Variants in ZNF107 observed in about 807,000 individuals in gnomAD.
ZNF107 encodes C2H2 type zinc-finger protein.
Under a neutral mutation model 12.3 loss-of-function variants are expected in ZNF107, and 19 were observed. The ratio of observed to expected loss-of-function variants is 1.55; its 90% CI spans 1.08 to 2.27. The LOEUF (loss-of-function observed/expected upper bound fraction) is 2.27, where lower values mean the gene tolerates loss of function less well. ZNF107 is among the 30% of genes most tolerant of loss of function. The probability of loss-of-function intolerance (pLI) is 0.00; values close to 1 mark genes in which losing one functional copy is unlikely to be tolerated. For synonymous variants in ZNF107, 317 were observed against 330.5 expected (o/e 0.96, Z 0.44); for missense variants, 958 against 979.9 (o/e 0.98, Z 0.30).
At chr7:64,682,789 T>G (rs1422627165) in intron 1 of ZNF107, among the ~76,000 whole-genome samples, 1 of 151,806 alleles carries the variant, frequency 6.6e-6, no homozygotes, top group Non-Finnish European at 1.5e-5. Flanking sequence ...ACACAACTAC[T>G]CTCCTCCCAT....
chr7:64,685,058 A>G (rs974698407), intron 1 of ZNF107, among the ~76,000 whole-genome samples: 1 of 152,168 alleles, frequency 6.6e-6, no homozygotes, highest in African/African-American at 2.4e-5. Context: ...TAACTCCTAC[A>G]TATGCAGTCA....
intron 1 of ZNF107, among the ~76,000 whole-genome samples, chr7:64,674,863 T>G (rs970226407): frequency 2.6e-5 from 4 of 152,230 alleles, no homozygotes; most frequent in African/African-American, 9.6e-5. Context: ...TGCGATAATC[T>G]TGTGGTTTTT....
chr7:64,702,620 C>T (rs1156964270), intron 3 of ZNF107, among the ~76,000 whole-genome samples: 8 of 151,164 alleles, frequency 5.3e-5, no homozygotes, highest in Non-Finnish European at 1.0e-4. Context: ...TGCAGTGGTG[C>T]GATCTCGGCT....
intron 1 of ZNF107, among the ~76,000 whole-genome samples, chr7:64,680,263 T>A (rs1482474705): frequency 6.6e-6 from 1 of 152,118 alleles, no homozygotes; most frequent in African/African-American, 2.4e-5. Context: ...AGTGTTTAGG[T>A]TCTTTTCCAT....
At chr7:64,705,381 A>G (rs1790604654) in intron 3 of ZNF107, among the ~76,000 whole-genome samples, 1 of 151,434 alleles carries the variant, frequency 6.6e-6, no homozygotes, top group South Asian at 2.1e-4. Context: ...TCTGATTTTC[A>G]ATAGTTGTTT....
intron 1 of ZNF107, among the ~76,000 whole-genome samples, chr7:64,675,586 A>G (rs1789388009): frequency 6.6e-6 from 1 of 152,138 alleles, no homozygotes; most frequent in African/African-American, 2.4e-5. Context: ...TTTCATGTCT[A>G]AATTTCCTTT....
chr7:64,668,745 T>TA (rs1429523880), intron 1 of ZNF107, among the ~76,000 whole-genome samples: 1 of 152,146 alleles, frequency 6.6e-6, no homozygotes, highest in Non-Finnish European at 1.5e-5. Flanking sequence ...GTGTGTTTTT[T>TA]ATGGCTGGGT....
chr7:64,674,915 TG>T (rs1364223166), intron 1 of ZNF107, among the ~76,000 whole-genome samples: 1 of 152,236 alleles, frequency 6.6e-6, no homozygotes, highest in Non-Finnish European at 1.5e-5. Context: ...TTTATTGATT[TG>T]TGTATGTTGA....
rs147890774 is a variant in ZNF107 at position 64,666,936 on chromosome 7, G to T, written c.3+651G>T. 2.3e-3 allele frequency among the ~76,000 whole-genome samples: 294 copies of T among 127,804 alleles called. 1 individual carries two copies. Among genetic ancestry groups the T allele is most frequent in the African/African-American group, 9.0e-3 (259 of 28,670 alleles). 83.8% of individuals were successfully genotyped at this position (127,804 alleles called of 152,430 possible). A position where few individuals can be genotyped will look rare whatever the true frequency, so the allele number is the denominator to read the frequency against. ...ATGAAGGTGGAAATTTTCTGGTCAC[G>T]TAATCAGAGCTTAATTGGCAGTTCA... On this transcript the variant is annotated intron_variant, in intron 1 of 3. Coordinates refer to ENST00000620827, the MANE Select transcript of ZNF107 (RefSeq NM_001282359.2).
At position 64,668,635 on chromosome 7, in the gene ZNF107, G is replaced by A. The variant is rs150450555; in HGVS notation, c.3+2350G>A. 2.8e-3 allele frequency among the ~76,000 whole-genome samples: 431 copies of A among 152,176 alleles called. 2 individuals carry two copies. Among genetic ancestry groups the A allele is most frequent in the African/African-American group, 1.0e-2 (414 of 41,524 alleles). The stretch of plus-strand genomic sequence containing the variant: ...AAAATATTTACAGAGCATAAAAGAG[G>A]TGAGTTTCAGAGAAAAATAATATCT... On this transcript the variant is annotated intron_variant, in intron 1 of 3. Transcript: ENST00000620827.
rs1411769057 is a variant in ZNF107, at chr7:64,666,218, C to A, written c.-65C>A. On this transcript the variant is annotated 5_prime_UTR_variant, in exon 1 of 4. Transcript: ENST00000620827. ...GCTCCTAGAGGCCCAGCCTCTGTGT[C>A]CCTGTGACCTGCAGATATTGGGAGA... 6.3e-7 allele frequency: 1 copy of A among 1,595,352 alleles called. No individual in the cohort carries two copies. Among genetic ancestry groups the A allele is most frequent in the East Asian group, 2.3e-5 (1 of 44,132 alleles).
chr7:64,690,187 G>A, intron 1 of ZNF107: 1 of 223,974 alleles, frequency 4.5e-6, no homozygotes, highest in Non-Finnish European at 7.5e-6. Flanking sequence ...GAATGTTTAT[G>A]ACCACAAGAG....
In ZNF107 at chr7:64,708,051, G is replaced by A. The variant is rs77575429; in HGVS notation, c.1954G>A (p.Glu652Lys). 10,517 of 1,613,392 alleles carry A rather than the reference G, an allele frequency of 6.5e-3. 60 individuals carry two copies. The highest frequency in any genetic ancestry group is 8.4e-3 in the Non-Finnish European group (9,871 of 1,179,748). Residue 652 changes from glutamate (E) to lysine (K), a missense_variant, in exon 4 of 4, where the codon GAA (glutamate) becomes AAA (lysine). By Grantham distance (56) the Glu-to-Lys change is moderately conservative. Coordinates refer to ENST00000620827, the MANE Select transcript of ZNF107 (RefSeq NM_001282359.2). ...IHTGENLYKFEEHGKAFNLFS... is the reference protein window; with the variant it reads ...IHTGENLYKFKEHGKAFNLFS... ...TACTGGAGAGAACCTCTACAAATTTGAAGAACATGGAAAAGCTTTTAACCT... is the reference window on the plus strand; with the variant it reads ...TACTGGAGAGAACCTCTACAAATTTAAAGAACATGGAAAAGCTTTTAACCT...
chr7:64,690,623 C>T, intron 1 of ZNF107: 1 of 786,104 alleles, frequency 1.3e-6, no homozygotes, highest in Non-Finnish European at 1.5e-6. Flanking sequence ...CCTGCAGATC[C>T]AGTAGTTTCC....
chr7:64,699,648 C>T (rs1044774054), intron 3 of ZNF107, among the ~76,000 whole-genome samples: 1 of 152,170 alleles, frequency 6.6e-6, no homozygotes, highest in Non-Finnish European at 1.5e-5. Flanking sequence ...CCATGCTGGT[C>T]TCAAACTTCT....
chr7:64,702,056 C>T (rs1271457062), intron 3 of ZNF107, among the ~76,000 whole-genome samples: 1 of 151,862 alleles, frequency 6.6e-6, no homozygotes, highest in East Asian at 1.9e-4. Context: ...TAGTGACATA[C>T]TTTATTTTTA....
At chr7:64,699,913 A>G (rs1280174073) in intron 3 of ZNF107, among the ~76,000 whole-genome samples, 4 of 152,008 alleles carry the variant, frequency 2.6e-5, no homozygotes, top group Admixed American at 2.0e-4. Context: ...CTAAAAATAC[A>G]AAAATTAGCC....
intron 1 of ZNF107, among the ~76,000 whole-genome samples, chr7:64,675,052 T>C (rs1430660319): frequency 6.6e-6 from 1 of 152,234 alleles, no homozygotes; most frequent in East Asian, 1.9e-4. Context: ...TCAAAGATAT[T>C]GACCTGAAGT....
chr7:64,671,813 G>A (rs1584461389), intron 1 of ZNF107, among the ~76,000 whole-genome samples: 3 of 126,900 alleles, frequency 2.4e-5, no homozygotes, highest in Non-Finnish European at 4.7e-5. Flanking sequence ...GCAGAGTCTC[G>A]CTCTGTTGCC....
Sources: gnomAD v4.1 joint callset for allele counts (sites outside exome capture counted in the v4.1 genomes callset) on GRCh38, gnomAD v4.1.1 for gene constraint, MANE v1.5 for transcripts, NCBI Gene and HGNC (gene_info 2026-07-23, HGNC 2026-07-21) for gene names.